The following MAP2K5 variants were observed in gnomAD, a reference collection of about 807,000 sequenced individuals.
MAP2K5 encodes the protein dual specificity mitogen-activated protein kinase kinase 5.
In MAP2K5, 49 loss-of-function variants were observed where a neutral mutation model predicts 83.1. That is an observed-to-expected ratio of 0.59 (90% CI 0.47 to 0.75). MAP2K5 has a LOEUF of 0.75. Ranked by LOEUF, MAP2K5 falls within the 30% of genes least tolerant of loss-of-function variation. The pLI is 0.00. For synonymous variants in MAP2K5, 202 were observed against 191.8 expected, an observed-to-expected ratio of 1.05 and a Z score of -0.44; for missense variants, 457 against 557.5, an observed-to-expected ratio of 0.82 and a Z score of 1.82.
chr15:67,806,565 G>T, intron 21 of MAP2K5, 81 bp from the exon 22 acceptor site: 1 of 1,248,374 alleles, frequency 8.0e-7, no homozygotes. Context: ...ATCAGATCCA[G>T]GCTGAGGGCA....
Position 67,780,227 on chromosome 15 carries a change from G to A in MAP2K5, c.1242+7475G>A, listed in dbSNP as rs768096673. ...TAAAAGGCTAAAGAAAAAAATGCCT[G>A]GATCCTAACCTAGATCAAAGAAGCT... On this transcript the variant is annotated intron_variant, in intron 21 of 21. Coordinates refer to ENST00000178640, the MANE Select transcript of MAP2K5 (RefSeq NM_145160.3). This position sits in a 1 kb window ranked among gnomAD's most constrained non-coding sequence, Gnocchi z 5.0. Among the ~76,000 whole-genome samples, 13 of 151,836 alleles carry A rather than the reference G, an allele frequency of 8.6e-5. No homozygotes were observed. The highest frequency in any genetic ancestry group is 3.4e-3 in the Middle Eastern group (1 of 290).
intron 3 of MAP2K5, among the ~76,000 whole-genome samples, chr15:67,567,537 T>C (rs140877548): frequency 0.022 from 3,413 of 152,094 alleles, 56 homozygotes; most frequent in Middle Eastern, 0.044. Flanking sequence ...GCTAATTTTT[T>C]GTATTTTTAG....
At position 67,794,946 on chromosome 15, in the gene MAP2K5, ACTCTGAAAC is replaced by A. The variant is rs1270547700; in HGVS notation, c.1243-11693_1243-11685del. On this transcript the variant is annotated intron_variant, in intron 21 of 21. Transcript: ENST00000178640. This position sits in a 1 kb window ranked among gnomAD's most constrained non-coding sequence, Gnocchi z 4.6. ...GAAAAGTTAAAACTATGATGATAGG[ACTCTGAAAC>A]CTCTGACGCCCCCGCGGTGGGTGAT... Among the ~76,000 whole-genome samples, 1 of 152,202 alleles carries A rather than the reference ACTCTGAAAC, an allele frequency of 6.6e-6. No homozygotes were observed. Among genetic ancestry groups the A allele is most frequent in the African/African-American group, 2.4e-5 (1 of 41,436 alleles).
rs1167798294 is a variant in MAP2K5, at chr15:67,565,431, T to C, written c.252+2081T>C. ...TTTTAGTAGAGACGGGGTTTCATCA[T>C]GTTGGCCAGGCTGGTCTCAAACTCC... On this transcript the variant is annotated intron_variant, in intron 3 of 21. Coordinates refer to ENST00000178640, the MANE Select transcript of MAP2K5 (RefSeq NM_145160.3). This position sits in a 1 kb window ranked among gnomAD's most constrained non-coding sequence, Gnocchi z 4.1. 6.6e-6 allele frequency among the ~76,000 whole-genome samples: 1 copy of C among 152,186 alleles called. No individual in the cohort carries two copies. Among genetic ancestry groups the C allele is most frequent in the African/African-American group, 2.4e-5 (1 of 41,444 alleles).
At position 67,802,076 on chromosome 15, in the gene MAP2K5, C is replaced by CA. The variant is rs1486933498; in HGVS notation, c.1243-4569dup. Among the ~76,000 whole-genome samples the CA allele has an allele frequency of 2.0e-5, 3 of 152,182 alleles. No individual in the cohort carries two copies. The highest frequency in any genetic ancestry group is 2.1e-4 in the South Asian group (1 of 4,826). ...TCCATTCTTGCCCACAAGATGAGCA[C>CA]ACCAAGCCCTGCCCCCTGCCTCCAC... On this transcript the variant is annotated intron_variant, in intron 21 of 21. Transcript: ENST00000178640. This position sits in a 1 kb window ranked among gnomAD's most constrained non-coding sequence, Gnocchi z 5.0.
At chr15:67,784,163 AT>A (rs2141322013) in intron 21 of MAP2K5, among the ~76,000 whole-genome samples, 1 of 152,374 alleles carries the variant, frequency 6.6e-6, no homozygotes, top group South Asian at 2.1e-4. Context: ...TATAAGGATT[AT>A]TCTTATTCCC....
At chr15:67,584,339 A>G (rs1431372092) in intron 4 of MAP2K5, among the ~76,000 whole-genome samples, 1 of 152,164 alleles carries the variant, frequency 6.6e-6, no homozygotes, top group Non-Finnish European at 1.5e-5. Flanking sequence ...TTTGTCTCTG[A>G]TTCCTTGGCT....
intron 13 of MAP2K5, among the ~76,000 whole-genome samples, chr15:67,683,383 A>G (rs1307975564): frequency 6.6e-6 from 1 of 152,232 alleles, no homozygotes; most frequent in African/African-American, 2.4e-5. Context: ...AAGATTATTT[A>G]TATCTACATT....
At chr15:67,622,865 G>A (rs181501706) in intron 8 of MAP2K5, among the ~76,000 whole-genome samples, 73 of 152,300 alleles carry the variant, frequency 4.8e-4, no homozygotes, top group African/African-American at 1.7e-3. Flanking sequence ...TTGGGAGGTC[G>A]AGGCAGGTGG....
chr15:67,693,744 C>T (rs1223879314), intron 15 of MAP2K5, among the ~76,000 whole-genome samples, 176 bp downstream of exon 15: 1 of 152,130 alleles, frequency 6.6e-6, no homozygotes, highest in East Asian at 1.9e-4. Flanking sequence ...AGAGTTTTTA[C>T]AGGAGCTATC....
intron 3 of MAP2K5, among the ~76,000 whole-genome samples, chr15:67,568,868 T>G (rs977565194): frequency 6.6e-6 from 1 of 151,494 alleles, no homozygotes; most frequent in African/African-American, 2.4e-5. Context: ...TAGCCGGGCG[T>G]GGTGGCATGC....
intron 3 of MAP2K5, among the ~76,000 whole-genome samples, chr15:67,580,412 C>G (rs943600425): frequency 2.0e-5 from 3 of 152,098 alleles, no homozygotes; most frequent in Admixed American, 6.5e-5. Flanking sequence ...TTTGCAAAAT[C>G]CAGGGAAAAA....
intron 8 of MAP2K5, among the ~76,000 whole-genome samples, chr15:67,615,498 A>G (rs1355524050): frequency 6.6e-6 from 1 of 152,136 alleles, no homozygotes; most frequent in East Asian, 1.9e-4. Context: ...ATGGAAGGCA[A>G]CAACTGTCAG....
chr15:67,585,791 A>G, intron 4 of MAP2K5, 99 bp from the exon 5 acceptor site: 1 of 985,000 alleles, frequency 1.0e-6, no homozygotes, highest in Non-Finnish European at 1.6e-6. Flanking sequence ...TCTCTCTGCT[A>G]ATTTTGGTGT....
chr15:67,550,873 G>A (rs552205200), intron 2 of MAP2K5, among the ~76,000 whole-genome samples: 1 of 152,094 alleles, frequency 6.6e-6, no homozygotes, highest in Non-Finnish European at 1.5e-5. Flanking sequence ...CTGGGTTCAA[G>A]CAGTTCTCAT....
At chr15:67,784,308 T>C (rs1230326602) in intron 21 of MAP2K5, among the ~76,000 whole-genome samples, 2 of 152,216 alleles carry the variant, frequency 1.3e-5, no homozygotes, top group Admixed American at 1.3e-4. Context: ...AGGCAGAGGA[T>C]TGTTATTGTG....
At chr15:67,762,388 A>C (rs2089965065) in intron 19 of MAP2K5, among the ~76,000 whole-genome samples, 1 of 152,214 alleles carries the variant, frequency 6.6e-6, no homozygotes, top group Non-Finnish European at 1.5e-5. Flanking sequence ...CTAAAATAAA[A>C]AGAGAAAAAA....
rs1462490746 is a variant in MAP2K5, at chr15:67,550,036, T to C, written c.138T>C (p.Asp46=). ...GPQLLFRDVL[D]VIGQVLPEAT... is the part of the protein sequence containing the mutation. ...TTCTTTATTCTTTCTTTGTTTAGGATGTGATAGGCCAGGTTCTGCCTGAAG... is the reference window on the plus strand; with the variant it reads ...TTCTTTATTCTTTCTTTGTTTAGGACGTGATAGGCCAGGTTCTGCCTGAAG... Residue 46 remains aspartate (D), a splice_region_variant and synonymous_variant, in exon 2 of 22, where the codon GAT becomes GAC. Transcript: ENST00000178640. The C allele has an allele frequency of 3.7e-6, 6 of 1,612,812 alleles. No homozygotes were observed. In the Admixed American group the frequency reaches 5.0e-5, roughly 13 times the overall value.
At chr15:67,589,034 G>A (rs2085343964) in intron 6 of MAP2K5, among the ~76,000 whole-genome samples, 1 of 151,344 alleles carries the variant, frequency 6.6e-6, no homozygotes, top group Non-Finnish European at 1.5e-5. Flanking sequence ...TTGTAGAGAC[G>A]GGGTCTCACT....
Sources: gnomAD v4.1 joint callset for allele counts (sites outside exome capture counted in the v4.1 genomes callset) on GRCh38, gnomAD v4.1.1 for gene constraint, Gnocchi (gnomAD v3.1) non-coding constraint, MANE v1.5 for transcripts, NCBI Gene and HGNC (gene_info 2026-07-23, HGNC 2026-07-21) for gene names.